FOCAD: variants seen among roughly 807,000 people sequenced by gnomAD.
FOCAD encodes KIAA1797.
Under a neutral mutation model 225.6 loss-of-function variants are expected in FOCAD, and 198 were observed. That is an observed-to-expected ratio of 0.88 (90% CI 0.78 to 0.99). FOCAD has a LOEUF of 0.99. FOCAD is among the 50% of genes least tolerant of loss of function. The pLI is 0.00. For synonymous variants in FOCAD, 897 were observed against 755.0 expected, an observed-to-expected ratio of 1.19 and a Z score of -3.08; for missense variants, 2,713 against 2,123.6, an observed-to-expected ratio of 1.28 and a Z score of -5.46.
intron 15 of FOCAD, among the ~76,000 whole-genome samples, chr9:20,852,717 C>T (rs1012925045): frequency 4.0e-5 from 6 of 151,698 alleles, no homozygotes; most frequent in Admixed American, 2.0e-4. Context: ...CATATTGATT[C>T]TTAAATATGA....
intron 16 of FOCAD, among the ~76,000 whole-genome samples, chr9:20,864,602 C>T (rs868324935): frequency 6.6e-5 from 10 of 151,880 alleles, no homozygotes; most frequent in East Asian, 1.9e-4. Context: ...GTTCTAAGAA[C>T]GTTTATTCTA....
At chr9:20,918,986 G>A (rs1397628985) in intron 24 of FOCAD, among the ~76,000 whole-genome samples, 1 of 152,028 alleles carries the variant, frequency 6.6e-6, no homozygotes, top group Non-Finnish European at 1.5e-5. Flanking sequence ...GCTGGTTTGG[G>A]TCAGGGTATG....
intron 39 of FOCAD, among the ~76,000 whole-genome samples, chr9:20,984,352 A>G (rs1840965652): frequency 6.6e-6 from 1 of 152,216 alleles, no homozygotes; most frequent in Admixed American, 6.5e-5. Context: ...TTTTAGTCTC[A>G]GGAACACTTT....
chr9:20,979,787 C>G (rs897456091), intron 37 of FOCAD, among the ~76,000 whole-genome samples: 16 of 152,174 alleles, frequency 1.1e-4, no homozygotes, highest in African/African-American at 3.9e-4. Context: ...ACTTACTGAG[C>G]CCTTGCTGTG....
intron 28 of FOCAD, among the ~76,000 whole-genome samples, chr9:20,942,019 G>A (rs923725113): frequency 2.6e-5 from 4 of 152,118 alleles, no homozygotes; most frequent in African/African-American, 4.8e-5. Flanking sequence ...CAGGAATAAA[G>A]TTTTAGGACT....
Position 20,920,105 on chromosome 9 carries a change from C to T in FOCAD, c.2852+3168C>T, listed in dbSNP as rs1038807268. 1.4e-4 allele frequency among the ~76,000 whole-genome samples: 21 copies of T among 151,758 alleles called. No homozygotes were observed. In the South Asian group the frequency reaches 1.5e-3, roughly 10 times the overall value. The stretch of plus-strand genomic sequence containing the variant: ...ATCCAGAATCTACAATGAACTCAAA[C>T]AAATTCACAAGAAAAAAACAGACAA... On this transcript the variant is annotated intron_variant, in intron 24 of 43. Coordinates refer to ENST00000338382, the MANE Select transcript of FOCAD (RefSeq NM_001375567.1).
At chr9:20,682,049 C>T (rs935216719), upstream of FOCAD, among the ~76,000 whole-genome samples, 2 of 152,130 alleles carry the variant, frequency 1.3e-5, no homozygotes, top group African/African-American at 2.4e-5. Flanking sequence ...GGACTCCTGT[C>T]GTGCCCTTAT....
At chr9:20,942,651 A>G (rs1836785636) in intron 28 of FOCAD, among the ~76,000 whole-genome samples, 2 of 152,122 alleles carry the variant, frequency 1.3e-5, no homozygotes, top group African/African-American at 2.4e-5. Context: ...TCATTTGGTT[A>G]GTTCTTCAGC....
At chr9:20,939,914 C>A (rs956992604) in intron 28 of FOCAD, among the ~76,000 whole-genome samples, 3 of 146,288 alleles carry the variant, frequency 2.1e-5, no homozygotes, top group Admixed American at 2.0e-4. Flanking sequence ...CCCTCCACCC[C>A]ACGACAGGCC....
chr9:20,719,933 G>C (rs1330056199), intron 3 of FOCAD, among the ~76,000 whole-genome samples: 1 of 152,002 alleles, frequency 6.6e-6, no homozygotes, highest in Non-Finnish European at 1.5e-5. Context: ...AGGTGATAGA[G>C]GTTGGTAGTA....
chr9:20,673,616 A>G (rs1244288490), intron 2 of FOCAD, among the ~76,000 whole-genome samples: 1 of 152,046 alleles, frequency 6.6e-6, no homozygotes, highest in African/African-American at 2.4e-5. Flanking sequence ...TTTTTTTGAG[A>G]CAGGGTCTCA....
chr9:20,991,983 A>G (rs1165392901), intron 42 of FOCAD, among the ~76,000 whole-genome samples: 2 of 152,210 alleles, frequency 1.3e-5, no homozygotes, highest in African/African-American at 4.8e-5. Context: ...AAACTGAGAA[A>G]AGGAAAATCA....
chr9:20,674,080 A>G (rs73647612), intron 2 of FOCAD, among the ~76,000 whole-genome samples: 32,748 of 152,110 alleles, frequency 0.22, 3,827 homozygotes, highest in African/African-American at 0.31. Context: ...AGTTTGTCAC[A>G]AGAGCCAATT....
At chr9:20,791,239 A>ACT in intron 11 of FOCAD, among the ~76,000 whole-genome samples, 1 of 136,896 alleles carries the variant, frequency 7.3e-6, no homozygotes, top group Non-Finnish European at 1.6e-5. Context: ...ACACACACTC[A>ACT]CACACACACA....
chr9:20,681,700 G>A (rs185862173), upstream of FOCAD, among the ~76,000 whole-genome samples: 1 of 152,288 alleles, frequency 6.6e-6, no homozygotes, highest in African/African-American at 2.4e-5. Flanking sequence ...TATCTCCTGT[G>A]CCTACCACAG....
Position 20,923,896 on chromosome 9 carries a change from C to T in FOCAD, c.2961+128C>T, listed in dbSNP as rs530222990. 7.6e-6 allele frequency: 5 copies of T among 656,550 alleles called. No homozygotes were observed. In the Admixed American group the frequency reaches 1.1e-4, roughly 14 times the overall value. The allele number at this position is 656,550 out of a possible 1,614,324, so 40.7% of individuals were successfully genotyped here. A position where few individuals can be genotyped will look rare whatever the true frequency, so the allele number is the denominator to read the frequency against. ...GCACCAAGTTATAGTACTTGATGGG[C>T]CTTTATACTGTGAGCCTCAGTGTCT... is the stretch of plus-strand genomic sequence containing the variant. On this transcript the variant is annotated intron_variant, in intron 25 of 43. Transcript: ENST00000338382.
rs118134342 is a variant in FOCAD at position 20,890,447 on chromosome 9, C to T, written c.2625+5217C>T. On this transcript the variant is annotated intron_variant, in intron 21 of 43. Coordinates refer to ENST00000338382, the MANE Select transcript of FOCAD (RefSeq NM_001375567.1). Reference sequence around the variant, plus strand: ...TTCTGTATCAATTGAGATGATTCAACGCTTTTAAAATTTGTTGATATGATT... The same window carrying T: ...TTCTGTATCAATTGAGATGATTCAATGCTTTTAAAATTTGTTGATATGATT... Among the ~76,000 whole-genome samples the T allele has an allele frequency of 8.6e-3, 1,296 of 150,386 alleles. 7 individuals are homozygous for T. Among genetic ancestry groups the T allele is most frequent in the South Asian group, 0.029 (139 of 4,742 alleles).
chr9:20,884,614 T>C (rs1830953146), intron 20 of FOCAD, among the ~76,000 whole-genome samples: 1 of 152,084 alleles, frequency 6.6e-6, no homozygotes, highest in African/African-American at 2.4e-5. Flanking sequence ...ATTTTAAATA[T>C]TAGCTTTTTA....
chr9:20,911,179 C>T (rs569570281), intron 22 of FOCAD, among the ~76,000 whole-genome samples: 35 of 152,034 alleles, frequency 2.3e-4, no homozygotes, highest in South Asian at 1.2e-3. Flanking sequence ...TTGCTAATTT[C>T]CAAGAAACAA....
Sources: gnomAD v4.1 joint callset for allele counts (sites outside exome capture counted in the v4.1 genomes callset) on GRCh38, gnomAD v4.1.1 for gene constraint, MANE v1.5 for transcripts, NCBI Gene and HGNC (gene_info 2026-07-23, HGNC 2026-07-21) for gene names.